The following STK3 variants were observed in gnomAD, a reference collection of about 807,000 sequenced individuals.
STK3 encodes serine/threonine kinase 3.
Under a neutral mutation model 58.0 loss-of-function variants are expected in STK3, and 41 were observed. That is an observed-to-expected ratio of 0.71 (90% CI 0.55 to 0.92). The LOEUF (loss-of-function observed/expected upper bound fraction) is 0.92. STK3 is among the 40% of genes least tolerant of loss of function. STK3 has a pLI of 0.00. For missense variants in STK3, 479 were observed against 602.7 expected, an observed-to-expected ratio of 0.79 and a Z score of 2.15; for synonymous variants, 170 against 191.0, an observed-to-expected ratio of 0.89 and a Z score of 0.91.
chr8:98,904,695 A>T, intron 1 of STK3: 1 of 762,172 alleles, frequency 1.3e-6, no homozygotes, highest in Non-Finnish European at 2.2e-6. Context: ...GCCTGAAATA[A>T]CTCACTCTCT....
chr8:98,643,778 A>G (rs895080806), intron 6 of STK3, among the ~76,000 whole-genome samples: 14 of 152,142 alleles, frequency 9.2e-5, no homozygotes, highest in African/African-American at 3.4e-4. Flanking sequence ...TGGGAGGCCA[A>G]AGGAAGGATA....
At chr8:98,411,618 A>G (rs186407157) in intron 3 of STK3, among the ~76,000 whole-genome samples, 413 of 152,322 alleles carry the variant, frequency 2.7e-3, no homozygotes, top group Non-Finnish European at 4.3e-3. Context: ...CACAGACCAC[A>G]TTTACTCCAA....
At chr8:98,535,758 C>T (rs1484018862) in intron 9 of STK3, among the ~76,000 whole-genome samples, 1 of 152,142 alleles carries the variant, frequency 6.6e-6, no homozygotes, top group Non-Finnish European at 1.5e-5. Context: ...TAGCAGCATA[C>T]ACTGGGAAGG....
chr8:98,516,370 T>C (rs1824933590), intron 10 of STK3, among the ~76,000 whole-genome samples: 1 of 152,100 alleles, frequency 6.6e-6, no homozygotes, highest in Non-Finnish European at 1.5e-5. Flanking sequence ...AATTTCCACA[T>C]ATCGAAAGAG....
intron 9 of STK3, among the ~76,000 whole-genome samples, chr8:98,544,843 A>G (rs1301056323): frequency 6.6e-6 from 1 of 152,162 alleles, no homozygotes. Context: ...AGATACACAC[A>G]TGAAAAATAA....
At chr8:98,697,265 T>C (rs933630864) in intron 6 of STK3, among the ~76,000 whole-genome samples, 1 of 152,232 alleles carries the variant, frequency 6.6e-6, no homozygotes, top group Non-Finnish European at 1.5e-5. Flanking sequence ...TTTATTAGTC[T>C]TGCTAGCGGT....
intron 6 of STK3, among the ~76,000 whole-genome samples, chr8:98,631,856 C>T (rs539347380): frequency 6.6e-6 from 1 of 152,106 alleles, no homozygotes; most frequent in East Asian, 1.9e-4. Context: ...ATAGAAAATG[C>T]GTTTCACTAT....
intron 3 of STK3, among the ~76,000 whole-genome samples, chr8:98,853,575 C>T (rs1484242940): frequency 1.3e-5 from 2 of 152,212 alleles, no homozygotes; most frequent in Non-Finnish European, 2.9e-5. Context: ...ATTCTGGCTT[C>T]TATTGCTCCA....
At chr8:98,593,800 A>G (rs938306222) in intron 7 of STK3, among the ~76,000 whole-genome samples, 6 of 152,156 alleles carry the variant, frequency 3.9e-5, no homozygotes, top group African/African-American at 1.4e-4. Flanking sequence ...ATCATAACAG[A>G]TAAGACATAC....
At chr8:98,450,734 C>T (rs1819160934), downstream of STK3, among the ~76,000 whole-genome samples, 1 of 152,166 alleles carries the variant, frequency 6.6e-6, no homozygotes, top group African/African-American at 2.4e-5. Flanking sequence ...AATGCATGCA[C>T]CCTGCATCCT....
the STK3 span, among the ~76,000 whole-genome samples, chr8:98,356,941 C>T: frequency 2.6e-5 from 4 of 152,164 alleles, no homozygotes; most frequent in Non-Finnish European, 5.9e-5. Context: ...ACTTACTTCT[C>T]TGCGATATAG....
intron 3 of STK3, chr8:98,427,209 CGGGCGCA>C (rs1480195739): frequency 6.6e-6 from 1 of 150,660 alleles, no homozygotes; most frequent in Non-Finnish European, 1.5e-5. Flanking sequence ...GCCGGCCCGC[CGGGCGCA>C]CACACTCGCA....
At chr8:98,421,004 G>C (rs1818167355) in intron 3 of STK3, among the ~76,000 whole-genome samples, 1 of 152,240 alleles carries the variant, frequency 6.6e-6, no homozygotes, top group South Asian at 2.1e-4. Flanking sequence ...GGGACAGCTA[G>C]CTTCATGGTG....
chr8:98,905,645 A>C (rs765375353), intron 1 of STK3: 17 of 814,448 alleles, frequency 2.1e-5, no homozygotes, highest in Non-Finnish European at 3.7e-5. Context: ...CTCCTGGGGC[A>C]GGTTTCTGAT....
At chr8:98,420,219 T>G (rs894374332) in intron 3 of STK3, among the ~76,000 whole-genome samples, 20 of 152,176 alleles carry the variant, frequency 1.3e-4, no homozygotes, top group African/African-American at 4.6e-4. Flanking sequence ...ACAGCAATCC[T>G]CCCTTTGTCT....
At chr8:98,378,684 T>G (rs1430789242) in intron 2 of STK3, among the ~76,000 whole-genome samples, 1 of 152,204 alleles carries the variant, frequency 6.6e-6, no homozygotes, top group Non-Finnish European at 1.5e-5. Flanking sequence ...CGCTTCCTTA[T>G]CATCATCATG....
At chr8:98,358,255 A>C in the STK3 span, among the ~76,000 whole-genome samples, 2 of 152,218 alleles carry the variant, frequency 1.3e-5, no homozygotes, top group African/African-American at 4.8e-5. Flanking sequence ...GCCAAGGTGC[A>C]GCAGAACTTC....
At chr8:98,575,316 T>C (rs1364305542) in intron 8 of STK3, among the ~76,000 whole-genome samples, 2 of 150,766 alleles carry the variant, frequency 1.3e-5, no homozygotes, top group African/African-American at 4.9e-5. Flanking sequence ...CCTATTGCCT[T>C]GAGTGCAGGC....
intron 10 of STK3, among the ~76,000 whole-genome samples, chr8:98,513,174 T>C (rs1031327392): frequency 2.6e-5 from 4 of 152,098 alleles, no homozygotes; most frequent in African/African-American, 9.7e-5. Context: ...ACAAAAATAA[T>C]GTACAAGCAC....
Sources: gnomAD v4.1 joint callset for allele counts (sites outside exome capture counted in the v4.1 genomes callset) on GRCh38, gnomAD v4.1.1 for gene constraint, MANE v1.5 for transcripts, NCBI Gene and HGNC (gene_info 2026-07-23, HGNC 2026-07-21) for gene names.